Variants in TFPI observed in about 807,000 individuals in gnomAD.
TFPI encodes the protein tissue factor pathway inhibitor, also known as anti-convertin.
A neutral mutation model predicts 34.6 loss-of-function variants in TFPI; 15 were observed. The observed-to-expected ratio is 0.43, with a 90% CI of 0.29 to 0.67. The LOEUF (loss-of-function observed/expected upper bound fraction) is 0.67. Among genes scored for constraint, TFPI ranks in the 30% least tolerant of loss-of-function variants. TFPI has a pLI of 0.15. For missense variants in TFPI, 301 were observed against 364.0 expected (o/e 0.83, Z 1.41); for synonymous variants, 105 against 120.1 (o/e 0.87, Z 0.82).
chr2:187,531,764 G>A (rs1236854330), intron 1 of TFPI, among the ~76,000 whole-genome samples: 1 of 151,944 alleles, frequency 6.6e-6, no homozygotes, highest in Admixed American at 6.6e-5. Flanking sequence ...GTGATACATT[G>A]ACATGTCTAA....
intron 1 of TFPI, among the ~76,000 whole-genome samples, chr2:187,522,546 A>G (rs1687437742): frequency 6.6e-6 from 1 of 151,978 alleles, no homozygotes; most frequent in Admixed American, 6.6e-5. Flanking sequence ...TTAAGAGGGC[A>G]GATCTATTTT....
chr2:187,503,232 G>C (rs1272043366), intron 2 of TFPI, among the ~76,000 whole-genome samples: 1 of 151,966 alleles, frequency 6.6e-6, no homozygotes, highest in African/African-American at 2.4e-5. Flanking sequence ...ATATGGGGAA[G>C]AAAGAGAGAA....
At chr2:187,530,880 A>T (rs1253615650) in intron 1 of TFPI, among the ~76,000 whole-genome samples, 3 of 152,220 alleles carry the variant, frequency 2.0e-5, no homozygotes, top group Admixed American at 2.0e-4. Flanking sequence ...AGAAATTTAA[A>T]ACAAATATAT....
intron 1 of TFPI, among the ~76,000 whole-genome samples, chr2:187,549,473 G>A (rs959760529): frequency 4.6e-5 from 7 of 152,078 alleles, no homozygotes; most frequent in African/African-American, 1.7e-4. Context: ...TTGAACAAGT[G>A]ATCACTTGAT....
rs181460915 is a variant in TFPI, at chr2:187,484,315, A to G, written c.536-99T>C. The G allele has an allele frequency of 4.6e-5, 41 of 887,514 alleles. No homozygotes were observed. In the East Asian group the frequency reaches 9.8e-4, roughly 21 times the overall value. 55.0% of individuals were successfully genotyped at this position (887,514 alleles called of 1,614,324 possible). A position where few individuals can be genotyped will look rare whatever the true frequency, so the allele number is the denominator to read the frequency against. ...ACAGTTAAAAAAGCAGACTTCTGGC[A>G]ATTTCATTCACATTGCTATGTTAAA... On this transcript the variant is annotated intron_variant, in intron 5 of 7. Transcript: ENST00000233156.
At chr2:187,476,211 C>G (rs1261589212) in intron 6 of TFPI, among the ~76,000 whole-genome samples, 2 of 152,104 alleles carry the variant, frequency 1.3e-5, no homozygotes, top group African/African-American at 4.8e-5. Context: ...ACTGGTCAAT[C>G]AGATCCATGT....
intron 1 of TFPI, among the ~76,000 whole-genome samples, chr2:187,551,845 A>T (rs1196411014): frequency 6.6e-6 from 1 of 152,166 alleles, no homozygotes; most frequent in Non-Finnish European, 1.5e-5. Flanking sequence ...GTGTTTTAAA[A>T]AGGCAGCCTG....
Position 187,492,314 on chromosome 2 carries a change from T to C in TFPI, c.320-3939A>G, listed in dbSNP as rs1015866738. On this transcript the variant is annotated intron_variant, in intron 3 of 7. Coordinates refer to ENST00000233156, the MANE Select transcript of TFPI (RefSeq NM_006287.6). ...CTAGGTCAATATGTAGGAGGGTTTT[T>C]CCCAGATTTTCCTCTAGAATTATTA... Among the ~76,000 whole-genome samples, 6 of 152,310 alleles carry C rather than the reference T, an allele frequency of 3.9e-5. No homozygotes were observed. In the East Asian group the frequency reaches 9.6e-4, roughly 24 times the overall value.
intron 1 of TFPI, among the ~76,000 whole-genome samples, chr2:187,536,046 G>A (rs560430745): frequency 1.4e-4 from 22 of 151,906 alleles, no homozygotes; most frequent in Non-Finnish European, 2.5e-4. Context: ...GAAGTCAAAC[G>A]CCTGAATAGA....
At chr2:187,551,527 G>C (rs879939155) in intron 1 of TFPI, among the ~76,000 whole-genome samples, 4 of 152,132 alleles carry the variant, frequency 2.6e-5, no homozygotes, top group African/African-American at 7.2e-5. Flanking sequence ...CTGACACTTG[G>C]AGAAGTGAAG....
chr2:187,510,888 A>G (rs1219800822), intron 1 of TFPI, among the ~76,000 whole-genome samples: 2 of 152,186 alleles, frequency 1.3e-5, no homozygotes, highest in Non-Finnish European at 2.9e-5. Flanking sequence ...TTCCAGCTGA[A>G]TAAAGCTCCT....
chr2:187,484,278 A>G lies in TFPI; in HGVS notation c.536-62T>C, dbSNP rs567342570. On this transcript the variant is annotated intron_variant, in intron 5 of 7. Transcript: ENST00000233156. ...TTGTCACAATCTCATATTTGGACTC[A>G]TGAAGCGTACAACAGTTAAAAAAGC... is the stretch of plus-strand genomic sequence containing the variant. 313 of 1,439,638 alleles carry G rather than the reference A, an allele frequency of 2.2e-4. 1 individual carries two copies. Among genetic ancestry groups the G allele is most frequent in the Middle Eastern group, 7.0e-4 (4 of 5,722 alleles). The allele number at this position is 1,439,638 out of a possible 1,614,324, so 89.2% of individuals were successfully genotyped here.
At chr2:187,527,678 G>C (rs1291983878) in intron 1 of TFPI, among the ~76,000 whole-genome samples, 1 of 152,116 alleles carries the variant, frequency 6.6e-6, no homozygotes, top group Non-Finnish European at 1.5e-5. Context: ...TTGGCTGTAT[G>C]CTGAATATAT....
intron 1 of TFPI, among the ~76,000 whole-genome samples, chr2:187,537,534 A>C (rs1367999674): frequency 6.6e-6 from 1 of 152,238 alleles, no homozygotes; most frequent in Non-Finnish European, 1.5e-5. Flanking sequence ...CTGGCTAGCC[A>C]TATGCAGAAA....
intron 1 of TFPI, chr2:187,517,888 T>G (rs912958766): frequency 6.6e-6 from 1 of 152,226 alleles, no homozygotes; most frequent in Admixed American, 6.5e-5. Context: ...CCTTTACCAT[T>G]ATATAACGCC....
intron 3 of TFPI, among the ~76,000 whole-genome samples, chr2:187,493,060 T>G (rs1422664900): frequency 6.6e-6 from 1 of 152,162 alleles, no homozygotes; most frequent in Non-Finnish European, 1.5e-5. Context: ...GTCGGGGGTC[T>G]GACTCTACAT....
intron 5 of TFPI, 110 bp downstream of exon 5, chr2:187,484,701 C>T: frequency 3.1e-6 from 3 of 957,260 alleles, no homozygotes; most frequent in Non-Finnish European, 4.5e-6. Flanking sequence ...ACAAATATAT[C>T]TTCATTTGCA....
intron 1 of TFPI, among the ~76,000 whole-genome samples, chr2:187,506,444 T>C (rs191440797): frequency 2.6e-5 from 4 of 152,286 alleles, no homozygotes; most frequent in African/African-American, 9.6e-5. Flanking sequence ...GGTGCACTTA[T>C]CGTTAATATA....
intron 1 of TFPI, among the ~76,000 whole-genome samples, chr2:187,525,202 A>C (rs1687615220): frequency 6.6e-6 from 1 of 152,118 alleles, no homozygotes; most frequent in South Asian, 2.1e-4. Flanking sequence ...TGTGCATCTT[A>C]AGAAAACTGA....
Sources: gnomAD v4.1 joint callset for allele counts (sites outside exome capture counted in the v4.1 genomes callset) on GRCh38, gnomAD v4.1.1 for gene constraint, MANE v1.5 for transcripts, NCBI Gene and HGNC (gene_info 2026-07-23, HGNC 2026-07-21) for gene names.